S100PBP: variants seen among roughly 807,000 people sequenced by gnomAD.
S100PBP encodes the protein S100P-binding protein.
Under a neutral mutation model 39.9 loss-of-function variants are expected in S100PBP, and 15 were observed. The ratio of observed to expected loss-of-function variants is 0.38; its 90% confidence interval spans 0.25 to 0.58. The LOEUF (loss-of-function observed/expected upper bound fraction) is 0.58. Ranked by LOEUF, S100PBP falls within the 20% of genes least tolerant of loss-of-function variation. S100PBP has a pLI of 0.70. For missense variants in S100PBP, 504 were observed against 487.3 expected (o/e 1.03, Z -0.32); for synonymous variants, 178 against 180.3 (o/e 0.99, Z 0.10).
At chr1:32,849,587 T>C (rs1640526440) in intron 5 of S100PBP, among the ~76,000 whole-genome samples, 1 of 152,238 alleles carries the variant, frequency 6.6e-6, no homozygotes, top group Non-Finnish European at 1.5e-5. Flanking sequence ...TTAAGTCTTA[T>C]TCATAATAAG....
At chr1:32,821,637 T>C (rs1639069153) in intron 1 of S100PBP, among the ~76,000 whole-genome samples, 2 of 143,288 alleles carry the variant, frequency 1.4e-5, no homozygotes, top group Admixed American at 7.1e-5. Context: ...TTTTTCTTTC[T>C]TTCTTTTTTT....
chr1:32,828,214 A>G lies in S100PBP; in HGVS notation c.920+133A>G, dbSNP rs949665122. The stretch of plus-strand genomic sequence containing the variant: ...GAGTAAGCAAACTTGAAGTTCTAGC[A>G]CTACCAACTATGTGACTTTTGGCAA... On this transcript the variant is annotated intron_variant, in intron 4 of 6. Coordinates refer to ENST00000373475, the MANE Select transcript of S100PBP (RefSeq NM_022753.4). The G allele has an allele frequency of 5.4e-6, 3 of 560,672 alleles. No homozygotes were observed. In the African/African-American group the frequency reaches 5.8e-5, roughly 11 times the overall value. 34.7% of individuals were successfully genotyped at this position (560,672 alleles called of 1,614,324 possible).
At chr1:32,850,949 T>C (rs755974258) in intron 5 of S100PBP, among the ~76,000 whole-genome samples, 66 of 152,234 alleles carry the variant, frequency 4.3e-4, no homozygotes, top group Non-Finnish European at 8.2e-4. Context: ...AACATCATAA[T>C]AGCTACCACT....
At chr1:32,854,000 C>G (rs764908877) in intron 6 of S100PBP, among the ~76,000 whole-genome samples, 1 of 152,034 alleles carries the variant, frequency 6.6e-6, no homozygotes, top group Non-Finnish European at 1.5e-5. Flanking sequence ...CTGAAATCTT[C>G]TGGAATTTTT....
At chr1:32,833,578 T>G (rs1639693692) in intron 5 of S100PBP, among the ~76,000 whole-genome samples, 1 of 152,068 alleles carries the variant, frequency 6.6e-6, no homozygotes, top group South Asian at 2.1e-4. Flanking sequence ...GCCAGGCTGG[T>G]CTCGAACTCC....
rs11585577 is a variant in S100PBP at position 32,851,403 on chromosome 1, C to T, written c.1025-1676C>T. 5.3e-5 allele frequency among the ~76,000 whole-genome samples: 8 copies of T among 152,260 alleles called. No individual in the cohort carries two copies. In the South Asian group the frequency reaches 6.2e-4, roughly 12 times the overall value. ...CTTCTCAGCTGGGCATAGTAACTCACGCCTGTAATCCCAGCACTTTGAGAG... is the reference window on the plus strand; with the variant it reads ...CTTCTCAGCTGGGCATAGTAACTCATGCCTGTAATCCCAGCACTTTGAGAG... On this transcript the variant is annotated intron_variant, in intron 5 of 6. Coordinates refer to ENST00000373475, the MANE Select transcript of S100PBP (RefSeq NM_022753.4).
At chr1:32,848,836 A>G (rs1640491500) in intron 5 of S100PBP, among the ~76,000 whole-genome samples, 1 of 152,204 alleles carries the variant, frequency 6.6e-6, no homozygotes, top group Non-Finnish European at 1.5e-5. Context: ...TTCCTGAAAT[A>G]TTGGGGGTTT....
intron 1 of S100PBP, among the ~76,000 whole-genome samples, chr1:32,819,535 G>T (rs1027444295): frequency 6.6e-6 from 1 of 152,186 alleles, no homozygotes; most frequent in Non-Finnish European, 1.5e-5. Flanking sequence ...CTGCATTTCA[G>T]CCTGGGTGAT....
upstream of S100PBP, chr1:32,817,082 G>A (rs576657338): frequency 5.6e-6 from 8 of 1,423,290 alleles, no homozygotes; most frequent in Non-Finnish European, 7.9e-6. Context: ...CTGCGCCAGC[G>A]CCGAGTCCCC....
intron 5 of S100PBP, chr1:32,836,390 C>T (rs1639820376): frequency 3.9e-6 from 1 of 253,992 alleles, no homozygotes; most frequent in African/African-American, 2.3e-5. Flanking sequence ...TCTCGGCCTC[C>T]CAAAGTGCTG....
intron 4 of S100PBP, 131 bp from the exon 5 acceptor site, chr1:32,829,833 C>T (rs796780508): frequency 4.6e-6 from 3 of 646,204 alleles, no homozygotes; most frequent in Admixed American, 5.4e-5. Flanking sequence ...CTCTGCCTCT[C>T]GATCATAAAG....
At chr1:32,833,390 CAG>C (rs1639685145) in intron 5 of S100PBP, among the ~76,000 whole-genome samples, 1 of 146,802 alleles carries the variant, frequency 6.8e-6, no homozygotes, top group African/African-American at 2.5e-5. Flanking sequence ...TTTTTGGAGA[CAG>C]AGTCTGCTGC....
At chr1:32,823,276 G>A (rs933133138) in intron 1 of S100PBP, among the ~76,000 whole-genome samples, 9 of 141,142 alleles carry the variant, frequency 6.4e-5, no homozygotes, top group Non-Finnish European at 1.4e-4. Flanking sequence ...TAACCTGTCT[G>A]ACAACCATAA....
intron 5 of S100PBP, among the ~76,000 whole-genome samples, chr1:32,850,783 A>G (rs1489587508): frequency 1.3e-5 from 2 of 152,256 alleles, no homozygotes; most frequent in African/African-American, 4.8e-5. Context: ...AATGAAATCT[A>G]TAAATTTTTC....
rs796688063 is a variant in S100PBP, at chr1:32,830,940, C to T, written c.1024+873C>T. On this transcript the variant is annotated intron_variant, in intron 5 of 6. Transcript: ENST00000373475. ...TTTGGGAAAAAAAAAATTAGCCAGG[C>T]GTGGTGGCACATGCCTATAATCCTA... is the stretch of plus-strand genomic sequence containing the variant. Among the ~76,000 whole-genome samples, 36 of 152,116 alleles carry T rather than the reference C, an allele frequency of 2.4e-4. 2 individuals carry two copies. The highest frequency in any genetic ancestry group is 7.0e-4 in the African/African-American group (29 of 41,518).
chr1:32,850,695 A>G (rs1382437676), intron 5 of S100PBP, among the ~76,000 whole-genome samples: 1 of 152,224 alleles, frequency 6.6e-6, no homozygotes, highest in Non-Finnish European at 1.5e-5. Flanking sequence ...ACTTTTGCCA[A>G]GTATGTTTCA....
intron 5 of S100PBP, chr1:32,836,682 C>A: frequency 1.6e-6 from 1 of 638,240 alleles, no homozygotes; most frequent in Non-Finnish European, 1.9e-6. Context: ...ATTTGCACTG[C>A]TTGTTCTTTA....
intron 5 of S100PBP, among the ~76,000 whole-genome samples, chr1:32,848,113 C>T (rs1240343349): frequency 3.3e-5 from 5 of 152,076 alleles, no homozygotes; most frequent in African/African-American, 1.2e-4. Flanking sequence ...TCGAGACCAG[C>T]CTCGCCAAGA....
intron 5 of S100PBP, 46 bp from the exon 6 acceptor site, chr1:32,853,033 G>A (rs785274): frequency 1 from 1,339,248 of 1,342,930 alleles, 667,861 homozygotes; most frequent in East Asian, 1. Context: ...GTTGGCTGAC[G>A]TAGTTCACTC....
Sources: gnomAD v4.1 joint callset for allele counts (sites outside exome capture counted in the v4.1 genomes callset) on GRCh38, gnomAD v4.1.1 for gene constraint, MANE v1.5 for transcripts, NCBI Gene and HGNC (gene_info 2026-07-23, HGNC 2026-07-21) for gene names.